The following NT5M variants were observed in gnomAD, a reference collection of about 807,000 sequenced individuals.
The protein encoded by NT5M is 5'(3')-deoxyribonucleotidase, mitochondrial.
A neutral mutation model predicts 22.2 loss-of-function variants in NT5M; 22 were observed. That is an observed-to-expected ratio of 0.99 (90% CI 0.71 to 1.41). NT5M has a LOEUF of 1.41. Ranked by LOEUF, NT5M falls within the 40% of genes most tolerant of loss-of-function variation. The pLI, the probability that NT5M is intolerant of heterozygous loss-of-function variation, is 0.00. For synonymous variants in NT5M, 167 were observed against 133.0 expected, an observed-to-expected ratio of 1.26 and a Z score of -1.76; for missense variants, 322 against 314.8, an observed-to-expected ratio of 1.02 and a Z score of -0.17.
At chr17:17,338,669 T>C (rs2049569026) in intron 3 of NT5M, among the ~76,000 whole-genome samples, 1 of 134,988 alleles carries the variant, frequency 7.4e-6, no homozygotes, top group South Asian at 2.4e-4. Context: ...TCTATGTAAA[T>C]GTTAAGGGTT....
intron 3 of NT5M, 37 bp downstream of exon 3, chr17:17,323,282 A>T: frequency 6.4e-7 from 1 of 1,553,648 alleles, no homozygotes; most frequent in South Asian, 1.1e-5. Flanking sequence ...CCCTTACCCC[A>T]TGCATCACAG....
intron 3 of NT5M, among the ~76,000 whole-genome samples, chr17:17,340,436 C>G (rs1219901320): frequency 2.6e-5 from 4 of 151,606 alleles, no homozygotes; most frequent in South Asian, 2.1e-4. Flanking sequence ...CTTTTTGTTT[C>G]TTTTCACAAA....
intron 2 of NT5M, among the ~76,000 whole-genome samples, chr17:17,313,279 C>CA (rs879524228): frequency 2.1e-4 from 32 of 151,688 alleles, no homozygotes; most frequent in Middle Eastern, 3.4e-3. Flanking sequence ...AAATCTGTCT[C>CA]AAAAAAAACA....
chr17:17,328,519 T>C (rs1246420450), intron 3 of NT5M, among the ~76,000 whole-genome samples: 2 of 152,154 alleles, frequency 1.3e-5, no homozygotes, highest in Non-Finnish European at 2.9e-5. Context: ...TAATGGTTCC[T>C]GTGTTCCATG....
At chr17:17,341,890 G>A (rs1219632683) in intron 3 of NT5M, among the ~76,000 whole-genome samples, 1 of 152,130 alleles carries the variant, frequency 6.6e-6, no homozygotes, top group African/African-American at 2.4e-5. Context: ...ACTTAGCCAG[G>A]CATGGTGGCA....
At chr17:17,316,288 C>A (rs1192530173) in intron 2 of NT5M, among the ~76,000 whole-genome samples, 1 of 150,322 alleles carries the variant, frequency 6.7e-6, no homozygotes, top group African/African-American at 2.5e-5. Context: ...AACCTCTTAA[C>A]CGCTTGACTT....
At chr17:17,340,294 T>C (rs1429963707) in intron 3 of NT5M, among the ~76,000 whole-genome samples, 1 of 152,200 alleles carries the variant, frequency 6.6e-6, no homozygotes, top group Non-Finnish European at 1.5e-5. Flanking sequence ...CCACCGATGA[T>C]TGTTTAAATT....
At chr17:17,334,292 G>A (rs2049451097) in intron 3 of NT5M, among the ~76,000 whole-genome samples, 1 of 151,004 alleles carries the variant, frequency 6.6e-6, no homozygotes, top group Non-Finnish European at 1.5e-5. Context: ...ATCATATATT[G>A]TAGGAGGTAA....
chr17:17,325,389 G>A (rs2049244412), intron 3 of NT5M, among the ~76,000 whole-genome samples: 1 of 152,068 alleles, frequency 6.6e-6, no homozygotes, highest in African/African-American at 2.4e-5. Context: ...AGTGCTGTCT[G>A]GTGGCCTCAG....
At chr17:17,330,802 G>A (rs939186283) in intron 3 of NT5M, among the ~76,000 whole-genome samples, 4 of 147,254 alleles carry the variant, frequency 2.7e-5, no homozygotes, top group African/African-American at 1.0e-4. Context: ...GAATGCAGTG[G>A]TGTGATCTCA....
intron 3 of NT5M, among the ~76,000 whole-genome samples, chr17:17,326,812 CAAACT>C (rs2145388461): frequency 6.6e-6 from 1 of 152,330 alleles, no homozygotes; most frequent in Admixed American, 6.5e-5. Flanking sequence ...ATGTCCTGAT[CAAACT>C]AAACGAAAGA....
chr17:17,333,220 A>T (rs766988819), intron 3 of NT5M, among the ~76,000 whole-genome samples: 3 of 152,206 alleles, frequency 2.0e-5, no homozygotes, highest in Non-Finnish European at 4.4e-5. Flanking sequence ...AGTTCTTTAG[A>T]TATGCTAGAA....
intron 4 of NT5M, 91 bp from the exon 5 acceptor site, chr17:17,346,714 C>A: frequency 6.5e-7 from 1 of 1,527,382 alleles, no homozygotes; most frequent in Non-Finnish European, 8.9e-7. Flanking sequence ...TTGGCAAGGC[C>A]AGATGCCTGC....
At chr17:17,309,023 G>A (rs565902567) in intron 2 of NT5M, among the ~76,000 whole-genome samples, 2 of 152,272 alleles carry the variant, frequency 1.3e-5, no homozygotes, top group African/African-American at 4.8e-5. Context: ...TCAGTTGATA[G>A]ATGTTTGGGC....
intron 2 of NT5M, among the ~76,000 whole-genome samples, chr17:17,313,960 C>A (rs2048971691): frequency 6.6e-6 from 1 of 152,154 alleles, no homozygotes. Flanking sequence ...TGGGCAGAGC[C>A]TCAGGTTCTG....
At chr17:17,325,862 T>G (rs541084865) in intron 3 of NT5M, among the ~76,000 whole-genome samples, 1 of 152,326 alleles carries the variant, frequency 6.6e-6, no homozygotes, top group South Asian at 2.1e-4. Flanking sequence ...GTGACCATCA[T>G]ATTGAAGTGT....
At position 17,330,836 on chromosome 17, in the gene NT5M, G is replaced by A. The variant is rs574679361; in HGVS notation, c.429+7591G>A. 6.0e-4 allele frequency among the ~76,000 whole-genome samples: 89 copies of A among 147,674 alleles called. 1 individual carries two copies. Among genetic ancestry groups the A allele is most frequent in the Middle Eastern group, 3.7e-3 (1 of 272 alleles). On this transcript the variant is annotated intron_variant, in intron 3 of 4. Transcript: ENST00000389022. ...CAGCTCACTGAAAGCTCAGCCTCCC[G>A]GGTTCACGCCATTCTCCTGCCTCAG...
At chr17:17,324,256 G>A (rs1434502844) in intron 3 of NT5M, among the ~76,000 whole-genome samples, 1 of 151,356 alleles carries the variant, frequency 6.6e-6, no homozygotes, top group Non-Finnish European at 1.5e-5. Flanking sequence ...GGCCGATGCA[G>A]GTGGGTCACC....
Position 17,325,243 on chromosome 17 carries a change from C to T in NT5M, c.429+1998C>T, listed in dbSNP as rs558133917. 5.5e-4 allele frequency among the ~76,000 whole-genome samples: 83 copies of T among 152,280 alleles called. No individual in the cohort carries two copies. In the South Asian group the frequency reaches 0.016, roughly 30 times the overall value. On this transcript the variant is annotated intron_variant, in intron 3 of 4. Coordinates refer to ENST00000389022, the MANE Select transcript of NT5M (RefSeq NM_020201.4). Reference sequence around the variant, plus strand: ...GATGAACGACATGGCCTCATTCATCCGTTCCTGGGGATTTAGATACTGTCT... The same window carrying T: ...GATGAACGACATGGCCTCATTCATCTGTTCCTGGGGATTTAGATACTGTCT...
Sources: allele counts gnomAD v4.1 joint callset (sites outside exome capture counted in the v4.1 genomes callset), GRCh38; gene constraint gnomAD v4.1.1; transcripts MANE v1.5; gene names NCBI Gene and HGNC (gene_info 2026-07-23, HGNC 2026-07-21).